The following CFAP299 variants were observed in gnomAD, a reference collection of about 807,000 sequenced individuals.
The protein encoded by CFAP299 is cilia- and flagella-associated protein 299.
Under a neutral mutation model 27.0 loss-of-function variants are expected in CFAP299, and 21 were observed. That is an observed-to-expected ratio of 0.78 (90% confidence interval 0.55 to 1.12). The LOEUF (loss-of-function observed/expected upper bound fraction) is 1.12. Among genes scored for constraint, CFAP299 ranks in the 50% most tolerant of loss-of-function variants. The pLI, the probability that CFAP299 is intolerant of heterozygous loss-of-function variation, is 0.00. For missense variants in CFAP299, 310 were observed against 276.6 expected (o/e 1.12, Z -0.86); for synonymous variants, 104 against 98.1 (o/e 1.06, Z -0.36).
At chr4:80,382,023 G>A (rs1724726454) in intron 2 of CFAP299, among the ~76,000 whole-genome samples, 1 of 152,132 alleles carries the variant, frequency 6.6e-6, no homozygotes, top group Non-Finnish European at 1.5e-5. Context: ...GAAAGAAAAG[G>A]TTGAAGAAAT....
the CFAP299 span, among the ~76,000 whole-genome samples, chr4:80,329,208 C>CACACATATATATATATAT: frequency 7.6e-4 from 103 of 136,040 alleles, no homozygotes; most frequent in African/African-American, 2.6e-3. Flanking sequence ...ACACTGTATA[C>CACACATATATATATATAT]ATATATATAT....
chr4:80,843,619 A>G (rs964132970), intron 3 of CFAP299, among the ~76,000 whole-genome samples: 3 of 151,924 alleles, frequency 2.0e-5, no homozygotes, highest in East Asian at 1.9e-4. Context: ...TGGGTCAAAT[A>G]CTATTTCTAG....
chr4:80,518,137 T>C lies in CFAP299; in HGVS notation c.243-64956T>C, dbSNP rs180802208. Reference sequence around the variant, plus strand: ...TCACTGAGGATGAGAAGGCAGAGATTAATCTGAGAGATTAAGATTATTCAT... The same window carrying C: ...TCACTGAGGATGAGAAGGCAGAGATCAATCTGAGAGATTAAGATTATTCAT... On this transcript the variant is annotated intron_variant, in intron 2 of 5. Transcript: ENST00000358105. 2.4e-3 allele frequency among the ~76,000 whole-genome samples: 359 copies of C among 152,172 alleles called. 1 individual carries two copies. Among genetic ancestry groups the C allele is most frequent in the South Asian group, 5.6e-3 (27 of 4,816 alleles).
At chr4:80,690,234 A>T (rs1398201738) in intron 3 of CFAP299, among the ~76,000 whole-genome samples, 2 of 150,346 alleles carry the variant, frequency 1.3e-5, no homozygotes, top group Non-Finnish European at 2.9e-5. Flanking sequence ...AATCAACAGA[A>T]TATACATTTT....
rs28408061 is a variant in CFAP299 at position 80,756,613 on chromosome 4, C to T, written c.334-113380C>T. On this transcript the variant is annotated intron_variant, in intron 3 of 5. Transcript: ENST00000358105. ...ATATTTTATGACACATACAAAATGACATTTAAATTTCAATGTCCATACATA... is the reference window on the plus strand; with the variant it reads ...ATATTTTATGACACATACAAAATGATATTTAAATTTCAATGTCCATACATA... Among the ~76,000 whole-genome samples, 388 of 151,932 alleles carry T rather than the reference C, an allele frequency of 2.6e-3. 1 individual carries two copies. Among genetic ancestry groups the T allele is most frequent in the African/African-American group, 8.9e-3 (367 of 41,464 alleles).
At chr4:80,701,674 G>A (rs1322931645) in intron 3 of CFAP299, among the ~76,000 whole-genome samples, 2 of 151,874 alleles carry the variant, frequency 1.3e-5, no homozygotes, top group South Asian at 2.1e-4. Flanking sequence ...TCTTACAGCA[G>A]TGTTGGTGGG....
At chr4:80,768,015 C>G (rs990358748) in intron 3 of CFAP299, among the ~76,000 whole-genome samples, 4 of 152,070 alleles carry the variant, frequency 2.6e-5, no homozygotes, top group Non-Finnish European at 5.9e-5. Flanking sequence ...ACACAATATG[C>G]CTGGTTGTAC....
chr4:80,617,062 AAGATATATGAATGAG>A (rs1481825421), intron 3 of CFAP299, among the ~76,000 whole-genome samples: 2 of 152,150 alleles, frequency 1.3e-5, no homozygotes, highest in Non-Finnish European at 2.9e-5. Flanking sequence ...TAGGATTTTA[AAGATATATGAATGAG>A]AGTACTAGAC....
chr4:80,428,557 C>T (rs1236428854), intron 2 of CFAP299, among the ~76,000 whole-genome samples: 1 of 152,028 alleles, frequency 6.6e-6, no homozygotes, highest in Non-Finnish European at 1.5e-5. Context: ...GAGACAGTCT[C>T]ACTCTGTCAC....
intron 4 of CFAP299, among the ~76,000 whole-genome samples, chr4:80,875,487 C>T (rs1733324039): frequency 6.6e-6 from 1 of 151,960 alleles, no homozygotes; most frequent in Non-Finnish European, 1.5e-5. Context: ...TGGTGAAACC[C>T]CGTCTCTACT....
rs1428716766 is a variant in CFAP299, at chr4:80,944,953, T to C, written c.606+14T>C. Reference sequence around the variant, plus strand: ...GTGGACCCAAAGGTAATTCTTCTTTTACACTTAGTTAGTTACCTCTTCACA... The same window carrying C: ...GTGGACCCAAAGGTAATTCTTCTTTCACACTTAGTTAGTTACCTCTTCACA... On this transcript the variant is annotated intron_variant, in intron 5 of 5. Transcript: ENST00000358105. The C allele has an allele frequency of 6.2e-7, 1 of 1,605,942 alleles. No individual in the cohort carries two copies. The highest frequency in any genetic ancestry group is 8.5e-7 in the Non-Finnish European group (1 of 1,174,960).
Position 80,647,354 on chromosome 4 carries a change from T to G in CFAP299, c.333+64171T>G, listed in dbSNP as rs1740076463. Among the ~76,000 whole-genome samples, 3 of 152,198 alleles carry G rather than the reference T, an allele frequency of 2.0e-5. No individual in the cohort carries two copies. The South Asian group carries it at 6.2e-4, about 32-fold the overall frequency. On this transcript the variant is annotated intron_variant, in intron 3 of 5. Transcript: ENST00000358105. ...TGCATGCTCTTGCCATTGTAGTCAT[T>G]TGAAAAATATCAAGTAATGTTTTAA... is the stretch of plus-strand genomic sequence containing the variant.
intron 3 of CFAP299, among the ~76,000 whole-genome samples, chr4:80,710,366 A>G (rs1722071205): frequency 6.6e-6 from 1 of 152,140 alleles, no homozygotes; most frequent in South Asian, 2.1e-4. Flanking sequence ...TGATTGAAAG[A>G]AGAAAGCTCA....
At chr4:80,462,594 A>G (rs1036022410) in intron 2 of CFAP299, among the ~76,000 whole-genome samples, 1 of 152,050 alleles carries the variant, frequency 6.6e-6, no homozygotes, top group African/African-American at 2.4e-5. Flanking sequence ...CTATTTGCCT[A>G]TTAATTGCTA....
chr4:80,899,546 G>A (rs1560468458), intron 4 of CFAP299, among the ~76,000 whole-genome samples: 1 of 152,150 alleles, frequency 6.6e-6, no homozygotes. Context: ...CAAAGAAGTG[G>A]CCACCTGTTG....
At chr4:80,666,226 C>T (rs1741137680) in intron 3 of CFAP299, among the ~76,000 whole-genome samples, 1 of 152,130 alleles carries the variant, frequency 6.6e-6, no homozygotes, top group African/African-American at 2.4e-5. Flanking sequence ...TCCATAGAAG[C>T]TTTCTGTTTC....
intron 4 of CFAP299, among the ~76,000 whole-genome samples, chr4:80,937,308 C>CTTTTTTT (rs1736948672): frequency 5.5e-5 from 5 of 90,816 alleles, no homozygotes; most frequent in East Asian, 3.5e-4. Flanking sequence ...CTTTTTTTTT[C>CTTTTTTT]TTTCTTTTTT....
At chr4:80,483,600 T>A (rs985698070) in intron 2 of CFAP299, among the ~76,000 whole-genome samples, 2 of 152,136 alleles carry the variant, frequency 1.3e-5, no homozygotes, top group African/African-American at 2.4e-5. Context: ...CTATTTTTTT[T>A]AATCTGAATG....
chr4:80,429,733 A>G (rs1258311525), intron 2 of CFAP299, among the ~76,000 whole-genome samples: 1 of 152,162 alleles, frequency 6.6e-6, no homozygotes, highest in African/African-American at 2.4e-5. Flanking sequence ...AATCATAACT[A>G]TGATTCTATA....
Sources: gnomAD v4.1 joint callset for allele counts (sites outside exome capture counted in the v4.1 genomes callset) on GRCh38, gnomAD v4.1.1 for gene constraint, MANE v1.5 for transcripts, NCBI Gene and HGNC (gene_info 2026-07-23, HGNC 2026-07-21) for gene names.